Variants in CNTN5 observed in about 807,000 individuals in gnomAD.
CNTN5 encodes the protein contactin 5.
CNTN5 carries 77 observed loss-of-function variants against 129.1 expected under a neutral mutation model. That is an observed-to-expected ratio of 0.60 (90% CI 0.50 to 0.72). The LOEUF is 0.72. Among genes scored for constraint, CNTN5 ranks in the 30% least tolerant of loss-of-function variants. The pLI is 0.00. For synonymous variants in CNTN5, 509 were observed against 465.6 expected, an observed-to-expected ratio of 1.09 and a Z score of -1.20; for missense variants, 1,478 against 1,328.8, an observed-to-expected ratio of 1.11 and a Z score of -1.75.
At chr11:99,873,249 C>T (rs1166185184) in intron 6 of CNTN5, among the ~76,000 whole-genome samples, 1 of 151,448 alleles carries the variant, frequency 6.6e-6, no homozygotes, top group Non-Finnish European at 1.5e-5. Flanking sequence ...GAGTTCATTC[C>T]TAAAGTTTGA....
In CNTN5 at chr11:99,375,202, C is replaced by T. The variant is rs1477669135; in HGVS notation, c.-71+49718C>T. ...CCTGTGATCCCAGCTACTCGGGAGG[C>T]TGAGGCACGAGAATTGCTTGAATCC... On this transcript the variant is annotated intron_variant, in intron 2 of 24. Coordinates refer to ENST00000524871, the MANE Select transcript of CNTN5 (RefSeq NM_014361.4). Among the ~76,000 whole-genome samples the T allele has an allele frequency of 3.4e-4, 49 of 146,110 alleles. No homozygotes were observed. The Admixed American group carries it at 3.5e-3, about 10-fold the overall frequency.
chr11:99,942,459 G>A (rs1471015185), intron 7 of CNTN5, among the ~76,000 whole-genome samples: 3 of 152,034 alleles, frequency 2.0e-5, no homozygotes, highest in East Asian at 1.9e-4. Flanking sequence ...GCAAACTGGT[G>A]CACGAGTTAA....
chr11:100,044,914 C>A (rs904461044), intron 9 of CNTN5, among the ~76,000 whole-genome samples: 2 of 151,946 alleles, frequency 1.3e-5, no homozygotes, highest in Non-Finnish European at 2.9e-5. Context: ...GACTGCTCAC[C>A]CTGACAATTG....
At chr11:99,873,150 ATC>A (rs1948546758) in intron 6 of CNTN5, among the ~76,000 whole-genome samples, 1 of 152,074 alleles carries the variant, frequency 6.6e-6, no homozygotes, top group Non-Finnish European at 1.5e-5. Flanking sequence ...CCACATCCCA[ATC>A]TCAGACCTCT....
At chr11:99,175,363 G>C (rs868490948) in intron 1 of CNTN5, among the ~76,000 whole-genome samples, 2 of 152,198 alleles carry the variant, frequency 1.3e-5, no homozygotes, top group African/African-American at 4.8e-5. Flanking sequence ...GAGAAGAAAA[G>C]AGGAAGACAG....
rs777351904 is a variant in CNTN5 at position 99,888,953 on chromosome 11, T to TA, written c.578-27097dup. On this transcript the variant is annotated intron_variant, in intron 6 of 24. Coordinates refer to ENST00000524871, the MANE Select transcript of CNTN5 (RefSeq NM_014361.4). The stretch of plus-strand genomic sequence containing the variant: ...GAGTTGTCAAGAGGAAGAATTCGTA[T>TA]AAAATGCTTAACATTGTCATTAGCA... Among the ~76,000 whole-genome samples the TA allele has an allele frequency of 2.0e-5, 3 of 149,956 alleles. No individual in the cohort carries two copies. In the South Asian group the frequency reaches 6.4e-4, roughly 32 times the overall value.
At chr11:99,748,262 G>A (rs1565486876) in intron 3 of CNTN5, among the ~76,000 whole-genome samples, 2 of 152,084 alleles carry the variant, frequency 1.3e-5, no homozygotes, top group Admixed American at 6.6e-5. Flanking sequence ...ATTTTAGGGA[G>A]AGTTTGAGAA....
chr11:99,334,532 C>T (rs1345595578), intron 2 of CNTN5, among the ~76,000 whole-genome samples: 1 of 152,064 alleles, frequency 6.6e-6, no homozygotes, highest in Non-Finnish European at 1.5e-5. Context: ...TACATACACA[C>T]ACAGACACAC....
At chr11:100,186,778 G>A (rs2138481007) in intron 13 of CNTN5, among the ~76,000 whole-genome samples, 1 of 152,284 alleles carries the variant, frequency 6.6e-6, no homozygotes, top group South Asian at 2.1e-4. Flanking sequence ...ATTCTATAAT[G>A]TAGAAGCCAC....
At chr11:100,260,756 T>C (rs1262102777) in intron 17 of CNTN5, among the ~76,000 whole-genome samples, 1 of 152,210 alleles carries the variant, frequency 6.6e-6, no homozygotes, top group Non-Finnish European at 1.5e-5. Flanking sequence ...CGCTTCATGC[T>C]AAAAACTCTC....
chr11:100,340,479 A>C lies in CNTN5; in HGVS notation c.2747A>C (p.Asp916Ala), dbSNP rs1952133622. 1.2e-6 allele frequency: 2 copies of C among 1,610,600 alleles called. No individual in the cohort carries two copies. The highest frequency in any genetic ancestry group is 4.5e-5 in the East Asian group (2 of 44,774). The change falls in exon 22 of 25, where the codon GAC becomes GCC. Residue 916 changes from aspartate to alanine, a missense_variant. Physicochemically the swap from Asp to Ala is moderately radical, Grantham distance 126. Transcript: ENST00000524871. ...TGTTGATAGGTTGGTTACTGGAAAGACATGGAACAGGAAGATACAGCAGAA... is the reference window on the plus strand; with the variant it reads ...TGTTGATAGGTTGGTTACTGGAAAGCCATGGAACAGGAAGATACAGCAGAA... ...PQGFEVGYWK[D>A]MEQEDTAETV...
chr11:99,034,209 A>G (rs1256990337), intron 1 of CNTN5, among the ~76,000 whole-genome samples: 1 of 152,132 alleles, frequency 6.6e-6, no homozygotes, highest in Admixed American at 6.5e-5. Flanking sequence ...ATGTTCATCA[A>G]GGATATTGGT....
intron 13 of CNTN5, among the ~76,000 whole-genome samples, chr11:100,185,592 G>A (rs1164674992): frequency 6.6e-6 from 1 of 152,150 alleles, no homozygotes; most frequent in Non-Finnish European, 1.5e-5. Flanking sequence ...GACACGTAAT[G>A]GACTGAACTG....
chr11:100,261,186 T>G (rs901868439), intron 17 of CNTN5, among the ~76,000 whole-genome samples: 4 of 152,058 alleles, frequency 2.6e-5, no homozygotes, highest in Non-Finnish European at 5.9e-5. Context: ...ATGAGTGAAC[T>G]CCCATTCACA....
intron 6 of CNTN5, among the ~76,000 whole-genome samples, chr11:99,861,594 C>G (rs1948209028): frequency 6.6e-6 from 1 of 151,868 alleles, no homozygotes. Flanking sequence ...TCAAAATAGT[C>G]CTAATTACAG....
At chr11:100,010,535 G>A (rs770568) in intron 9 of CNTN5, among the ~76,000 whole-genome samples, 142,806 of 151,996 alleles carry the variant, frequency 0.94, 67,329 homozygotes, top group Middle Eastern at 0.99. Context: ...CCCCTGGGAA[G>A]CCCACAGGAA....
chr11:99,685,300 A>G (rs909815550), intron 3 of CNTN5, among the ~76,000 whole-genome samples: 5 of 151,840 alleles, frequency 3.3e-5, no homozygotes, highest in African/African-American at 1.2e-4. Context: ...ATTTTAGTAA[A>G]TAATGTGTTT....
chr11:99,460,509 T>C (rs998807303), intron 2 of CNTN5, among the ~76,000 whole-genome samples: 1 of 152,000 alleles, frequency 6.6e-6, no homozygotes, highest in Non-Finnish European at 1.5e-5. Flanking sequence ...CTACAAGGAA[T>C]AATTCATTTT....
At chr11:100,091,285 C>A (rs979504344) in intron 13 of CNTN5, among the ~76,000 whole-genome samples, 18 of 151,874 alleles carry the variant, frequency 1.2e-4, no homozygotes, top group Non-Finnish European at 2.4e-4. Context: ...TCAAATGTTA[C>A]CTTCTCGGAG....
Sources: allele counts gnomAD v4.1 joint callset (sites outside exome capture counted in the v4.1 genomes callset), GRCh38; gene constraint gnomAD v4.1.1; transcripts MANE v1.5; gene names NCBI Gene and HGNC (gene_info 2026-07-23, HGNC 2026-07-21).